Variants in UGT2A1 observed in about 807,000 individuals in gnomAD.
The protein encoded by UGT2A1 is UDP-glucuronosyltransferase 2A1.
UGT2A1 carries 61 observed loss-of-function variants against 45.4 expected under a neutral mutation model. The observed-to-expected ratio is 1.34, with a 90% CI of 1.09 to 1.66. The LOEUF is 1.66. Among genes scored for constraint, UGT2A1 ranks in the 40% most tolerant of loss-of-function variants. UGT2A1 has a pLI of 0.00. For synonymous variants in UGT2A1, 229 were observed against 196.2 expected (o/e 1.17, Z -1.40); for missense variants, 649 against 574.3 (o/e 1.13, Z -1.33).
At chr4:69,618,215 GTATGTT>G (rs373471357) in intron 3 of UGT2A1, among the ~76,000 whole-genome samples, 14 of 104,846 alleles carry the variant, frequency 1.3e-4, no homozygotes, top group African/African-American at 4.2e-4. Flanking sequence ...GTGTGTGTGT[GTATGTT>G]TGTGTGTGTG....
intron 3 of UGT2A1, among the ~76,000 whole-genome samples, chr4:69,622,677 T>C (rs1424391057): frequency 6.6e-6 from 1 of 151,764 alleles, no homozygotes; most frequent in Non-Finnish European, 1.5e-5. Context: ...GCATTGAGGA[T>C]TTCATGTGTT....
chr4:69,614,474 C>T (rs1038593693), intron 3 of UGT2A1, among the ~76,000 whole-genome samples: 1 of 151,622 alleles, frequency 6.6e-6, no homozygotes, highest in African/African-American at 2.4e-5. Context: ...ATATATATAT[C>T]TAAACTTTGT....
At chr4:69,629,286 T>G (rs1176910056) in intron 3 of UGT2A1, among the ~76,000 whole-genome samples, 1 of 152,096 alleles carries the variant, frequency 6.6e-6, no homozygotes, top group Non-Finnish European at 1.5e-5. Context: ...GGAGGTGTAC[T>G]GCAAAGTGTT....
At chr4:69,607,362 C>T (rs1418563893) in intron 3 of UGT2A1, among the ~76,000 whole-genome samples, 4 of 151,264 alleles carry the variant, frequency 2.6e-5, no homozygotes, top group Non-Finnish European at 4.4e-5. Context: ...AACTGGCTAG[C>T]CATATGTAGA....
At chr4:69,593,247 T>C (rs1718689057) in intron 6 of UGT2A1, among the ~76,000 whole-genome samples, 1 of 151,994 alleles carries the variant, frequency 6.6e-6, no homozygotes, top group Non-Finnish European at 1.5e-5. Flanking sequence ...TATTTTGGAA[T>C]AAATAATCTC....
At chr4:69,649,243 A>T (rs111943485) in intron 1 of UGT2A1, among the ~76,000 whole-genome samples, 1 of 152,130 alleles carries the variant, frequency 6.6e-6, no homozygotes, top group African/African-American at 2.4e-5. Flanking sequence ...AATTACTTTT[A>T]TAAAGTACTG....
At chr4:69,630,449 A>C (rs1242514564) in intron 3 of UGT2A1, among the ~76,000 whole-genome samples, 1 of 152,050 alleles carries the variant, frequency 6.6e-6, no homozygotes, top group Non-Finnish European at 1.5e-5. Context: ...CATAGTTTTT[A>C]TCAACCATCA....
chr4:69,622,351 T>C (rs1185215600), intron 3 of UGT2A1, among the ~76,000 whole-genome samples: 2 of 151,866 alleles, frequency 1.3e-5, no homozygotes, highest in Non-Finnish European at 2.9e-5. Context: ...TTATAGCTAA[T>C]ATGCCAGTGT....
In UGT2A1 at chr4:69,594,639, G is replaced by C. The variant is rs774841777; in HGVS notation, c.1142C>G (p.Ala381Gly). The change falls in exon 6 of 7, where the codon GCT (alanine) becomes GGT (glycine). Residue 381 changes from alanine to glycine, a missense_variant. Coordinates refer to ENST00000286604, the MANE Select transcript of UGT2A1 (RefSeq NM_001252275.3). ...CACCATAGGGACTCCGTGGTAAATAGCTTCGTAGATCCCATTAGTTCCACC... is the reference window on the plus strand; with the variant it reads ...CACCATAGGGACTCCGTGGTAAATACCTTCGTAGATCCCATTAGTTCCACC... The part of the protein sequence containing the change: ...THGGTNGIYE[A>G]IYHGVPMVGV... 20 of 1,613,988 alleles carry C rather than the reference G, an allele frequency of 1.2e-5. No homozygotes were observed. The highest frequency in any genetic ancestry group is 2.2e-5 in the South Asian group (2 of 91,076).
At chr4:69,619,573 G>A (rs1296711007) in intron 3 of UGT2A1, among the ~76,000 whole-genome samples, 2 of 151,636 alleles carry the variant, frequency 1.3e-5, no homozygotes, top group African/African-American at 4.8e-5. Context: ...AACATAAAAG[G>A]AATATAATCT....
chr4:69,646,479 C>A (rs1003437286), intron 2 of UGT2A1, among the ~76,000 whole-genome samples: 1 of 151,652 alleles, frequency 6.6e-6, no homozygotes, highest in Non-Finnish European at 1.5e-5. Flanking sequence ...TCTTTATGAG[C>A]CTTAATATTT....
intron 1 of UGT2A1, among the ~76,000 whole-genome samples, chr4:69,651,203 G>C (rs894299623): frequency 2.6e-5 from 4 of 152,066 alleles, no homozygotes; most frequent in Non-Finnish European, 5.9e-5. Flanking sequence ...CACAACAAAA[G>C]GCTTAAAGAG....
chr4:69,599,224 T>C, intron 4 of UGT2A1, 22 bp downstream of exon 4: 1 of 1,589,422 alleles, frequency 6.3e-7, no homozygotes. Context: ...GAGCATAAAA[T>C]CCTCCACTGT....
Position 69,647,472 on chromosome 4 carries a change from G to A in UGT2A1, c.173C>T (p.Ala58Val), listed in dbSNP as rs751127762. ...HNVTVLVASG[A>V]LFITPTSNPS... ...GTTAGAGGTTGGTGTGATGAAAAGT[G>A]CACCAGAGGCAACTAGGACAGTCAC... is the stretch of plus-strand genomic sequence containing the variant. The change falls in exon 2 of 7, where the codon GCA becomes GTA. Residue 58 changes from alanine (A) to valine (V), a missense_variant. Physicochemically the swap from Ala to Val is moderately conservative, Grantham distance 64 (BLOSUM62 0). Transcript: ENST00000286604. The A allele has an allele frequency of 1.9e-6, 3 of 1,613,054 alleles. No homozygotes were observed. The highest frequency in any genetic ancestry group is 2.2e-5 in the South Asian group (2 of 90,992).
At position 69,599,272 on chromosome 4, in the gene UGT2A1, A is replaced by G. The variant is rs752449313; in HGVS notation, c.970T>C (p.Cys324Arg). ...PNFEFVGGLH[C>R]KPAKPLPKVL... ...TTAGGTAAAGGTTTGGCAGGTTTGC[A>G]GTGCAATCCTCCAACAAACTCAAAA... Residue 324 changes from cysteine (C) to arginine (R), a missense_variant, in exon 4 of 7, where the codon TGC becomes CGC. Physicochemically the swap from Cys to Arg is radical, Grantham distance 180. Transcript: ENST00000286604. The G allele has an allele frequency of 1.9e-6, 3 of 1,613,760 alleles. No individual in the cohort carries two copies. The highest frequency in any genetic ancestry group is 2.5e-6 in the Non-Finnish European group (3 of 1,179,872).
intron 5 of UGT2A1, 107 bp from the exon 6 acceptor site, chr4:69,594,803 T>C: frequency 2.3e-6 from 3 of 1,325,230 alleles, no homozygotes; most frequent in Middle Eastern, 1.9e-4. Flanking sequence ...TAAAGAAGGA[T>C]ACGTTTTCTA....
chr4:69,634,648 C>T (rs1260816248), intron 3 of UGT2A1, among the ~76,000 whole-genome samples: 1 of 151,378 alleles, frequency 6.6e-6, no homozygotes, highest in Non-Finnish European at 1.5e-5. Context: ...ACCATATTGG[C>T]GGAACAAAGA....
Position 69,648,356 on chromosome 4 carries a change from A to T in UGT2A1, c.-54-658T>A, listed in dbSNP as rs529816891. On this transcript the variant is annotated intron_variant, in intron 1 of 6. Transcript: ENST00000286604. ...GAATAAAATAAAATATGTGCAAGAG[A>T]TTATAGGTAATGCTAGTAGTGAATA... 1.3e-4 allele frequency among the ~76,000 whole-genome samples: 19 copies of T among 151,760 alleles called. 1 individual carries two copies. In the South Asian group the frequency reaches 3.7e-3, roughly 30 times the overall value.
intron 3 of UGT2A1, among the ~76,000 whole-genome samples, chr4:69,628,251 G>GA (rs1324831222): frequency 1.3e-5 from 2 of 150,056 alleles, no homozygotes; most frequent in East Asian, 3.9e-4. Context: ...TAAAGAAATA[G>GA]AAAAAACAAA....
Sources: allele counts gnomAD v4.1 joint callset (sites outside exome capture counted in the v4.1 genomes callset), GRCh38; gene constraint gnomAD v4.1.1; transcripts MANE v1.5; gene names NCBI Gene and HGNC (gene_info 2026-07-23, HGNC 2026-07-21).